Variants in CDH4 observed in about 807,000 individuals in gnomAD.
CDH4 encodes the protein cadherin-4.
A neutral mutation model predicts 86.0 loss-of-function variants in CDH4; 33 were observed. The ratio of observed to expected loss-of-function variants is 0.38; its 90% CI spans 0.29 to 0.51. The LOEUF (loss-of-function observed/expected upper bound fraction) is 0.51. CDH4 is among the 20% of genes least tolerant of loss of function. CDH4 has a pLI of 0.86. For missense variants in CDH4, 1,114 were observed against 1,307.4 expected, an observed-to-expected ratio of 0.85 and a Z score of 2.28; for synonymous variants, 555 against 549.4, an observed-to-expected ratio of 1.01 and a Z score of -0.14.
chr20:61,576,672 T>C (rs1412379826), intron 2 of CDH4, among the ~76,000 whole-genome samples: 1 of 152,196 alleles, frequency 6.6e-6, no homozygotes, highest in Non-Finnish European at 1.5e-5. Context: ...TTGTGAGTTA[T>C]CTCAGCTCTG....
At chr20:61,309,092 G>A (rs910125344) in intron 2 of CDH4, among the ~76,000 whole-genome samples, 4 of 152,256 alleles carry the variant, frequency 2.6e-5, no homozygotes, top group Non-Finnish European at 4.4e-5. Flanking sequence ...ATATGGCAAC[G>A]GCAGAGCATG....
At chr20:61,354,152 C>A (rs1268654503) in intron 2 of CDH4, among the ~76,000 whole-genome samples, 1 of 151,302 alleles carries the variant, frequency 6.6e-6, no homozygotes, top group Admixed American at 6.6e-5. Context: ...TGCCGCCGAC[C>A]GTCCTACAGT....
chr20:61,762,330 G>A (rs1485319400), intron 3 of CDH4, among the ~76,000 whole-genome samples: 1 of 152,214 alleles, frequency 6.6e-6, no homozygotes, highest in Non-Finnish European at 1.5e-5. Flanking sequence ...AAAAAGTTCT[G>A]CTCTCTGAGC....
At chr20:61,507,061 T>C (rs917469265) in intron 2 of CDH4, among the ~76,000 whole-genome samples, 1 of 152,240 alleles carries the variant, frequency 6.6e-6, no homozygotes, top group South Asian at 2.1e-4. Flanking sequence ...TTTGAGACTT[T>C]TGAGTGTTTT....
chr20:61,722,611 C>T (rs2088055209), intron 2 of CDH4, among the ~76,000 whole-genome samples: 1 of 151,918 alleles, frequency 6.6e-6, no homozygotes, highest in African/African-American at 2.4e-5. Flanking sequence ...GTCCCAAGGA[C>T]TCTGCAGGGC....
rs755340787 is a variant in CDH4, at chr20:61,709,020, C to T, written c.170-34543C>T. ...CTTCCCCGAAGGACCTCAGGCTACACGGGCAGTGGGGCTGCGGCCCAGCTC... is the reference window on the plus strand; with the variant it reads ...CTTCCCCGAAGGACCTCAGGCTACATGGGCAGTGGGGCTGCGGCCCAGCTC... On this transcript the variant is annotated intron_variant, in intron 2 of 15. Coordinates refer to ENST00000614565, the MANE Select transcript of CDH4 (RefSeq NM_001794.5). This position sits in a 1 kb window ranked among gnomAD's most constrained non-coding sequence, Gnocchi z 4.8. Among the ~76,000 whole-genome samples, 8 of 152,364 alleles carry T rather than the reference C, an allele frequency of 5.3e-5. No homozygotes were observed. The Middle Eastern group carries it at 0.01, about 194-fold the overall frequency.
rs980424903 is a variant in CDH4, at chr20:61,769,686, G to A, written c.397-3317G>A. 3.3e-5 allele frequency among the ~76,000 whole-genome samples: 5 copies of A among 152,142 alleles called. No individual in the cohort carries two copies. In the East Asian group the frequency reaches 5.8e-4, roughly 18 times the overall value. On this transcript the variant is annotated intron_variant, in intron 3 of 15. Transcript: ENST00000614565. ...GAAAGTGGGAATGATGGTGCTCCCC[G>A]CTGAACTGGTGAGAGGGAGGACTTA...
chr20:61,732,613 G>A (rs1355977139), intron 2 of CDH4, among the ~76,000 whole-genome samples: 1 of 152,164 alleles, frequency 6.6e-6, no homozygotes, highest in Non-Finnish European at 1.5e-5. Context: ...TATTGGAGAG[G>A]GGATGCCTCC....
chr20:61,459,624 G>A (rs886138410), intron 2 of CDH4, among the ~76,000 whole-genome samples: 3 of 151,156 alleles, frequency 2.0e-5, no homozygotes, highest in Admixed American at 6.6e-5. Context: ...GGGACATGGT[G>A]AGGACACCAT....
intron 2 of CDH4, among the ~76,000 whole-genome samples, chr20:61,481,481 A>G (rs2085568059): frequency 6.6e-6 from 1 of 152,232 alleles, no homozygotes; most frequent in Non-Finnish European, 1.5e-5. Flanking sequence ...TCTGTTGTCA[A>G]GTCTAAAGGG....
chr20:61,813,378 A>G (rs972224352), intron 4 of CDH4, among the ~76,000 whole-genome samples: 1 of 152,154 alleles, frequency 6.6e-6, no homozygotes, highest in Non-Finnish European at 1.5e-5. Flanking sequence ...GCCCCTCCCC[A>G]GTGCCCCACA....
intron 2 of CDH4, among the ~76,000 whole-genome samples, chr20:61,451,540 A>G (rs937920057): frequency 7.9e-5 from 12 of 152,194 alleles, no homozygotes; most frequent in Non-Finnish European, 1.6e-4. Context: ...AAGTGGCAGC[A>G]TTTCTTCCTC....
At chr20:61,691,610 C>T (rs868500715) in intron 2 of CDH4, among the ~76,000 whole-genome samples, 4 of 152,212 alleles carry the variant, frequency 2.6e-5, no homozygotes, top group Admixed American at 1.3e-4. Flanking sequence ...CTGATGCAAA[C>T]CTACATGGTC....
At chr20:61,570,643 T>C (rs73914865) in intron 2 of CDH4, 7,170 of 702,294 alleles carry the variant, frequency 0.01, 134 homozygotes, top group African/African-American at 0.056. Flanking sequence ...AATTTTGTTT[T>C]TCACAATGGT....
intron 6 of CDH4, among the ~76,000 whole-genome samples, chr20:61,872,399 G>C (rs1206560686): frequency 1.3e-5 from 2 of 152,224 alleles, no homozygotes; most frequent in Non-Finnish European, 2.9e-5. Flanking sequence ...GAACGTTCCA[G>C]ATGCAGAACA....
intron 2 of CDH4, among the ~76,000 whole-genome samples, chr20:61,488,317 G>A (rs1030743568): frequency 1.3e-5 from 2 of 152,170 alleles, no homozygotes; most frequent in East Asian, 1.9e-4. Flanking sequence ...CCTTTTTAAC[G>A]GAACAGAACC....
chr20:61,360,445 A>G (rs2084777502), intron 2 of CDH4, among the ~76,000 whole-genome samples: 1 of 152,178 alleles, frequency 6.6e-6, no homozygotes, highest in South Asian at 2.1e-4. Context: ...TCCATCAGCC[A>G]TGCATTCCTG....
intron 2 of CDH4, among the ~76,000 whole-genome samples, chr20:61,357,950 G>A (rs1391520177): frequency 6.6e-6 from 1 of 152,128 alleles, no homozygotes; most frequent in Non-Finnish European, 1.5e-5. Context: ...TTGTTCCTAA[G>A]TGTATTTGGC....
chr20:61,879,038 C>T lies in CDH4; in HGVS notation c.1050+5138C>T, dbSNP rs1270515428. On this transcript the variant is annotated intron_variant, in intron 7 of 15. Transcript: ENST00000614565. This position sits in a 1 kb window ranked among gnomAD's most constrained non-coding sequence, Gnocchi z 4.1. The stretch of plus-strand genomic sequence containing the variant: ...AGGATGCACGTTGTCGGATTTTCAG[C>T]AGCAAACAATAAAACAACAACAGGT... Among the ~76,000 whole-genome samples, 1 of 152,246 alleles carries T rather than the reference C, an allele frequency of 6.6e-6. No homozygotes were observed. The highest frequency in any genetic ancestry group is 1.5e-5 in the Non-Finnish European group (1 of 68,046).
Sources: allele counts gnomAD v4.1 joint callset (sites outside exome capture counted in the v4.1 genomes callset), GRCh38; gene constraint gnomAD v4.1.1; non-coding constraint Gnocchi (gnomAD v3.1); transcripts MANE v1.5; gene names NCBI Gene and HGNC (gene_info 2026-07-23, HGNC 2026-07-21).